LIMCH1: variants seen among roughly 807,000 people sequenced by gnomAD.
LIMCH1 encodes LIM and calponin homology domains-containing protein 1.
Under a neutral mutation model 176.5 loss-of-function variants are expected in LIMCH1, and 113 were observed. That is an observed-to-expected ratio of 0.64 (90% confidence interval 0.55 to 0.75). LIMCH1 has a LOEUF of 0.75. LIMCH1 is among the 30% of genes least tolerant of loss of function. The pLI is 0.00. For synonymous variants in LIMCH1, 619 were observed against 645.9 expected, an observed-to-expected ratio of 0.96 and a Z score of 0.63; for missense variants, 1,674 against 1,814.9, an observed-to-expected ratio of 0.92 and a Z score of 1.41.
chr4:41,404,191 T>C (rs1330771630), intron 1 of LIMCH1, among the ~76,000 whole-genome samples: 1 of 152,130 alleles, frequency 6.6e-6, no homozygotes, highest in Non-Finnish European at 1.5e-5. Context: ...GACAGAGACT[T>C]CCTTCACCAT....
rs117192152 is a variant in LIMCH1, at chr4:41,586,756, C to T, written c.-240-12164C>T. On this transcript the variant is annotated intron_variant, in intron 1 of 31. Coordinates refer to ENST00000503057, the MANE Select transcript of LIMCH1 (RefSeq NM_001330672.2). The stretch of plus-strand genomic sequence containing the variant: ...ATTCCTTGGAATCCAGACAGTTTTC[C>T]TGATAGGCTGCACTGTGGTATTGCC... Among the ~76,000 whole-genome samples, 137 of 152,210 alleles carry T rather than the reference C, an allele frequency of 9.0e-4. No individual in the cohort carries two copies. The East Asian group carries it at 0.019, about 21-fold the overall frequency.
chr4:41,613,500 T>C lies in LIMCH1; in HGVS notation c.44T>C (p.Ile15Thr). The C allele has an allele frequency of 6.2e-7, 1 of 1,614,124 alleles. No homozygotes were observed. The highest frequency in any genetic ancestry group is 8.5e-7 in the Non-Finnish European group (1 of 1,180,004). Residue 15 changes from isoleucine (I) to threonine (T), a missense_variant, in exon 5 of 32, where the codon ATC (isoleucine) becomes ACC (threonine). Coordinates refer to ENST00000503057, the MANE Select transcript of LIMCH1 (RefSeq NM_001330672.2). Reference sequence around the variant, plus strand: ...GACATTGAAAGTCCTAAACGCAGTATCCGAGACAGTGGCTACATCGACTGC... The same window carrying C: ...GACATTGAAAGTCCTAAACGCAGTACCCGAGACAGTGGCTACATCGACTGC... The part of the protein sequence containing the change: ...TDDIESPKRS[I>T]RDSGYIDCWD...
At position 41,666,539 on chromosome 4, in the gene LIMCH1, A is replaced by G. The variant is rs751046110; in HGVS notation, c.3292-22A>G. The G allele has an allele frequency of 4.7e-6, 7 of 1,496,502 alleles. No individual in the cohort carries two copies. In the Admixed American group the frequency reaches 5.0e-5, roughly 11 times the overall value. 92.7% of individuals were successfully genotyped at this position (1,496,502 alleles called of 1,614,324 possible). ...TCAATGGACAGTTCTTGCAATATTT[A>G]TACCTGTTTTCCATTGTCCAGGTGG... On this transcript the variant is annotated intron_variant, in intron 20 of 31. Transcript: ENST00000503057.
chr4:41,360,126 T>A (rs868174920), upstream of LIMCH1, among the ~76,000 whole-genome samples: 3 of 152,046 alleles, frequency 2.0e-5, no homozygotes, highest in Non-Finnish European at 4.4e-5. The surrounding 1 kb of genome is among the most constrained non-coding windows in gnomAD (Gnocchi z 4.5). Context: ...TGACTGTTGG[T>A]TGACTGCATC....
rs772666961 is a variant in LIMCH1, at chr4:41,626,701, CT to C, written c.726-6del. 1.0e-5 allele frequency: 16 copies of C among 1,533,018 alleles called. No individual in the cohort carries two copies. Among genetic ancestry groups the C allele is most frequent in the South Asian group, 6.0e-5 (5 of 83,884 alleles). The allele number at this position is 1,533,018 out of a possible 1,614,324, so 95.0% of individuals were successfully genotyped here. ...ATGTGGAGTCCCATTTAATTTTCCC[CT>C]ATCAGTCAAAAACAATTAAGTGAAG... On this transcript the variant is annotated splice_region_variant and splice_polypyrimidine_tract_variant and intron_variant, in intron 7 of 31. Transcript: ENST00000503057.
chr4:41,448,832 T>C lies in LIMCH1; in HGVS notation c.97-45704T>C, dbSNP rs73140651. The stretch of plus-strand genomic sequence containing the variant: ...GGCTGATACGGTGGTCTCCAAACTT[T>C]CTTTATTTATTAAATATTCAGTAAA... On this transcript the variant is annotated intron_variant, in intron 1 of 26. Coordinates refer to the LIMCH1 transcript ENST00000313860. 3.1e-3 allele frequency among the ~76,000 whole-genome samples: 479 copies of C among 152,302 alleles called. 3 individuals carry two copies. The highest frequency in any genetic ancestry group is 0.011 in the African/African-American group (463 of 41,576).
intron 1 of LIMCH1, among the ~76,000 whole-genome samples, chr4:41,461,755 A>G (rs1372728308): frequency 2.0e-5 from 3 of 152,344 alleles, no homozygotes; most frequent in East Asian, 3.9e-4. Context: ...TGTGAAGGCC[A>G]TCAGCAAAAC....
chr4:41,593,957 G>A (rs757800638), intron 1 of LIMCH1, among the ~76,000 whole-genome samples: 18 of 151,652 alleles, frequency 1.2e-4, no homozygotes, highest in Admixed American at 6.6e-4. Flanking sequence ...TCCCCCACAC[G>A]TGTGAACATA....
intron 1 of LIMCH1, among the ~76,000 whole-genome samples, chr4:41,443,642 T>G (rs186408847): frequency 6.6e-6 from 1 of 152,320 alleles, no homozygotes; most frequent in African/African-American, 2.4e-5. Flanking sequence ...TAATTTACAG[T>G]ATTTGTAAGC....
chr4:41,619,220 C>G lies in LIMCH1; in HGVS notation c.238C>G (p.His80Asp). The G allele has an allele frequency of 6.2e-7, 1 of 1,614,188 alleles. No individual in the cohort carries two copies. Among genetic ancestry groups the G allele is most frequent in the Non-Finnish European group, 8.5e-7 (1 of 1,180,022 alleles). The change falls in exon 6 of 32, where the codon CAT becomes GAT. Residue 80 changes from histidine (H) to aspartate (D), a missense_variant. By Grantham distance (81) the His-to-Asp change is moderately conservative. Transcript: ENST00000503057. ...AAGCGACTCTGAATCCGACTTGCCTCATCGGAAGCTGCCAGATGTGAAGAA... is the reference window on the plus strand; with the variant it reads ...AAGCGACTCTGAATCCGACTTGCCTGATCGGAAGCTGCCAGATGTGAAGAA... ...RGSDSESDLPHRKLPDVKKDD... is the reference protein window; with the variant it reads ...RGSDSESDLPDRKLPDVKKDD...
chr4:41,489,032 A>C (rs1464474666), intron 1 of LIMCH1, among the ~76,000 whole-genome samples: 1 of 152,122 alleles, frequency 6.6e-6, no homozygotes, highest in African/African-American at 2.4e-5. Flanking sequence ...GGGATTTATC[A>C]AGTTCATCTA....
intron 2 of LIMCH1, among the ~76,000 whole-genome samples, chr4:41,517,735 T>C (rs1456668486): frequency 6.6e-6 from 1 of 152,100 alleles, no homozygotes; most frequent in Non-Finnish European, 1.5e-5. Context: ...AGAAATCTTT[T>C]AAAATGACAT....
intron 2 of LIMCH1, among the ~76,000 whole-genome samples, chr4:41,512,471 A>G (rs191714303): frequency 3.3e-5 from 5 of 152,380 alleles, no homozygotes. Flanking sequence ...TAGCAGCATT[A>G]TTCATAATAG....
chr4:41,401,970 G>A (rs191445466), intron 1 of LIMCH1, among the ~76,000 whole-genome samples: 2,748 of 152,224 alleles, frequency 0.018, 85 homozygotes, highest in African/African-American at 0.062. Context: ...CAATCGTGTC[G>A]TCTGCAAACA....
At chr4:41,560,729 A>T (rs2152551519) in intron 1 of LIMCH1, among the ~76,000 whole-genome samples, 1 of 152,234 alleles carries the variant, frequency 6.6e-6, no homozygotes, top group South Asian at 2.1e-4. Context: ...CTACAAAAAA[A>T]ATAAATCGGT....
chr4:41,388,324 A>G (rs1018521506), intron 1 of LIMCH1, among the ~76,000 whole-genome samples: 1 of 152,254 alleles, frequency 6.6e-6, no homozygotes, highest in African/African-American at 2.4e-5. Flanking sequence ...TTTGACAGTT[A>G]AAAGGAATGA....
intron 2 of LIMCH1, among the ~76,000 whole-genome samples, chr4:41,523,562 C>T (rs2076328735): frequency 1.3e-5 from 2 of 152,198 alleles, no homozygotes; most frequent in African/African-American, 4.8e-5. Context: ...AAATAACATT[C>T]TACATTCTAC....
rs12501158 is a variant in LIMCH1, at chr4:41,587,864, T to C, written c.-240-11056T>C. ...AACCCAGACTCACACTTTGCTCCCA[T>C]TATTGAAAAAACAGTAACAGATTAC... On this transcript the variant is annotated intron_variant, in intron 1 of 31. Coordinates refer to ENST00000503057, the MANE Select transcript of LIMCH1 (RefSeq NM_001330672.2). Among the ~76,000 whole-genome samples, 216 of 152,310 alleles carry C rather than the reference T, an allele frequency of 1.4e-3. 1 individual carries two copies. The highest frequency in any genetic ancestry group is 0.014 in the Admixed American group (209 of 15,292).
chr4:41,524,594 A>G, intron 3 of LIMCH1: 2 of 796,424 alleles, frequency 2.5e-6, no homozygotes, highest in African/African-American at 1.7e-5. Context: ...TTGAATGAGA[A>G]CGCATTGAAT....
Sources: allele counts gnomAD v4.1 joint callset (sites outside exome capture counted in the v4.1 genomes callset), GRCh38; gene constraint gnomAD v4.1.1; non-coding constraint Gnocchi (gnomAD v3.1); transcripts MANE v1.5; gene names NCBI Gene and HGNC (gene_info 2026-07-23, HGNC 2026-07-21).